Variants in SYNE1 observed in about 807,000 individuals in gnomAD.
SYNE1 encodes nesprin-1.
Under a neutral mutation model 1,111.0 loss-of-function variants are expected in SYNE1, and 616 were observed. The ratio of observed to expected loss-of-function variants is 0.55; its 90% CI spans 0.52 to 0.59. The LOEUF is 0.59. SYNE1 is among the 20% of genes least tolerant of loss of function. The pLI is 0.00. For missense variants in SYNE1, 10,006 were observed against 10,417.0 expected, an observed-to-expected ratio of 0.96 and a Z score of 1.72; for synonymous variants, 3,855 against 3,825.8, an observed-to-expected ratio of 1.01 and a Z score of -0.28.
intron 97 of SYNE1, among the ~76,000 whole-genome samples, chr6:152,281,037 T>C (rs116450351): frequency 0.018 from 2,731 of 152,314 alleles, 85 homozygotes; most frequent in African/African-American, 0.062. Context: ...TAAAGTTGTA[T>C]ATATTGATAC....
At chr6:152,559,693 T>A (rs1201446416) in intron 3 of SYNE1, among the ~76,000 whole-genome samples, 1 of 152,108 alleles carries the variant, frequency 6.6e-6, no homozygotes. Flanking sequence ...AGAAAGATTT[T>A]AAGCAACCTA....
At position 152,346,288 on chromosome 6, in the gene SYNE1, T is replaced by C. The variant is rs562892371; in HGVS notation, c.12078+771A>G. 2.2e-3 allele frequency among the ~76,000 whole-genome samples: 335 copies of C among 152,108 alleles called. 2 individuals carry two copies. Among genetic ancestry groups the C allele is most frequent in the Non-Finnish European group, 3.4e-3 (230 of 67,978 alleles). The stretch of plus-strand genomic sequence containing the variant: ...TTCAAGCGATTCTGCTGCCTCAGCC[T>C]CCGGAGTAGCGGGGATTACAGGTGC... On this transcript the variant is annotated intron_variant, in intron 73 of 145. Coordinates refer to ENST00000367255, the MANE Select transcript of SYNE1 (RefSeq NM_182961.4).
At chr6:152,258,559 T>C (rs1429194386) in intron 101 of SYNE1, among the ~76,000 whole-genome samples, 2 of 152,184 alleles carry the variant, frequency 1.3e-5, no homozygotes, top group African/African-American at 2.4e-5. Context: ...GTAGTACCTA[T>C]AGTGAAATAA....
At chr6:152,215,169 A>C in intron 121 of SYNE1, 109 bp from the exon 122 acceptor site, 1 of 1,279,774 alleles carries the variant, frequency 7.8e-7, no homozygotes, top group Non-Finnish European at 1.1e-6. Context: ...TCTTCGGTCT[A>C]GTGGCCTCTG....
At chr6:152,139,584 AAAGG>A (rs765916884) in intron 140 of SYNE1, among the ~76,000 whole-genome samples, 8 of 146,316 alleles carry the variant, frequency 5.5e-5, no homozygotes, top group South Asian at 2.3e-4. Context: ...AAAAAAAAAG[AAAGG>A]AAGGAAGGAA....
At chr6:152,635,970 T>C (rs1000341874) in intron 2 of SYNE1, among the ~76,000 whole-genome samples, 17 of 152,324 alleles carry the variant, frequency 1.1e-4, no homozygotes, top group African/African-American at 3.8e-4. Context: ...TGCTTCGTTT[T>C]GCACGGATGC....
chr6:152,560,845 G>A (rs972844003), intron 3 of SYNE1, among the ~76,000 whole-genome samples: 1 of 152,094 alleles, frequency 6.6e-6, no homozygotes, highest in Non-Finnish European at 1.5e-5. Context: ...TGCATGAAAA[G>A]CATCTGACAA....
intron 3 of SYNE1, among the ~76,000 whole-genome samples, chr6:152,562,901 T>C (rs1013075723): frequency 2.0e-5 from 3 of 152,200 alleles, no homozygotes; most frequent in African/African-American, 7.2e-5. Flanking sequence ...TGAATGTAAA[T>C]CAGTATTATT....
At position 152,325,044 on chromosome 6, in the gene SYNE1, G is replaced by C. The variant is rs1052246850; in HGVS notation, c.15657+40C>G. The C allele has an allele frequency of 1.9e-6, 3 of 1,603,562 alleles. No individual in the cohort carries two copies. In the East Asian group the frequency reaches 6.7e-5, roughly 36 times the overall value. On this transcript the variant is annotated intron_variant, in intron 81 of 145. Transcript: ENST00000367255. Reference sequence around the variant, plus strand: ...TGTGTTTCAAAATACATTATAATTAGTGAGGAAAGAAAGGTGAGCCCATGG... The same window carrying C: ...TGTGTTTCAAAATACATTATAATTACTGAGGAAAGAAAGGTGAGCCCATGG...
At chr6:152,454,906 C>T (rs2098684107) in intron 24 of SYNE1, among the ~76,000 whole-genome samples, 1 of 152,078 alleles carries the variant, frequency 6.6e-6, no homozygotes, top group Non-Finnish European at 1.5e-5. Context: ...CATTCATGAA[C>T]ATTATGACTA....
intron 4 of SYNE1, among the ~76,000 whole-genome samples, chr6:152,528,104 G>T (rs2099172079): frequency 2.6e-5 from 4 of 152,154 alleles, no homozygotes; most frequent in Admixed American, 2.6e-4. Flanking sequence ...AGACTGCCTA[G>T]TTCACAGCCC....
intron 137 of SYNE1, chr6:152,145,974 G>A (rs186375752): frequency 6.9e-5 from 16 of 232,438 alleles, no homozygotes; most frequent in African/African-American, 1.6e-4. Flanking sequence ...GCAGTGAGCC[G>A]AGATTGTGCC....
At chr6:152,349,210 C>T (rs2096698233) in intron 72 of SYNE1, among the ~76,000 whole-genome samples, 1 of 152,240 alleles carries the variant, frequency 6.6e-6, no homozygotes, top group Non-Finnish European at 1.5e-5. Context: ...TAACGTCTAT[C>T]ACGTGGTAAA....
At chr6:152,164,386 C>A (rs562608910) in intron 130 of SYNE1, 61 bp from the exon 131 acceptor site, 2 of 1,594,226 alleles carry the variant, frequency 1.3e-6, no homozygotes, top group South Asian at 1.1e-5. Context: ...GTTTCTCTAG[C>A]GTGCAGAGGA....
chr6:152,417,063 A>G, intron 40 of SYNE1, 48 bp from the exon 41 acceptor site: 3 of 1,609,390 alleles, frequency 1.9e-6, no homozygotes, highest in Non-Finnish European at 2.5e-6. Context: ...ACTACAGTCT[A>G]TGGCAGAGGT....
intron 3 of SYNE1, among the ~76,000 whole-genome samples, chr6:152,584,948 C>T (rs1003348084): frequency 1.3e-5 from 2 of 152,158 alleles, no homozygotes; most frequent in South Asian, 2.1e-4. Context: ...ATGTTTTTAG[C>T]TGATATGGCT....
At chr6:152,256,454 A>G (rs997927408) in intron 102 of SYNE1, among the ~76,000 whole-genome samples, 180 bp downstream of exon 102, 2 of 151,732 alleles carry the variant, frequency 1.3e-5, no homozygotes, top group Non-Finnish European at 2.9e-5. Flanking sequence ...AAATAAATAA[A>G]TAAATAAATA....
chr6:152,471,860 C>T lies in SYNE1; in HGVS notation c.1464-95G>A, dbSNP rs2098807479. The T allele has an allele frequency of 6.5e-6, 8 of 1,236,022 alleles. No individual in the cohort carries two copies. The South Asian group carries it at 7.5e-5, about 12-fold the overall frequency. 76.6% of individuals were successfully genotyped at this position (1,236,022 alleles called of 1,614,324 possible). ...TTACATGTCAGCCTTAAATAGAATG[C>T]AGCCACAAGCTCTTCTAACTCTGGC... On this transcript the variant is annotated intron_variant, in intron 15 of 145. Transcript: ENST00000367255.
intron 54 of SYNE1, 79 bp from the exon 55 acceptor site, chr6:152,385,917 A>T (rs982852410): frequency 7.2e-7 from 1 of 1,381,000 alleles, no homozygotes; most frequent in Non-Finnish European, 1.0e-6. Context: ...GGCCTGATAG[A>T]GGTCTCTTAA....
Sources: allele counts gnomAD v4.1 joint callset (sites outside exome capture counted in the v4.1 genomes callset), GRCh38; gene constraint gnomAD v4.1.1; transcripts MANE v1.5; gene names NCBI Gene and HGNC (gene_info 2026-07-23, HGNC 2026-07-21).